Variants in ATAT1 observed in about 807,000 individuals in gnomAD.
The protein encoded by ATAT1 is alpha tubulin acetyltransferase 1.
A neutral mutation model predicts 57.2 loss-of-function variants in ATAT1; 42 were observed. The ratio of observed to expected loss-of-function variants is 0.73; its 90% CI spans 0.57 to 0.95. The LOEUF is 0.95. Ranked by LOEUF, ATAT1 falls within the 40% of genes least tolerant of loss-of-function variation. The probability of loss-of-function intolerance (pLI) is 0.00; values close to 1 mark genes in which losing one functional copy is unlikely to be tolerated. For missense variants in ATAT1, 454 were observed against 523.7 expected, an observed-to-expected ratio of 0.87 and a Z score of 1.30; for synonymous variants, 168 against 187.1, an observed-to-expected ratio of 0.90 and a Z score of 0.83.
rs1011375727 is a variant in ATAT1, at chr6:30,643,536, C to T, written c.932+525C>T. On this transcript the variant is annotated intron_variant, in intron 10 of 12. Transcript: ENST00000330083. ...CATAACATCCTTCCACAGCTCCCTT[C>T]CCCGCTCTGAGGAGAGTCGATACTA... is the stretch of plus-strand genomic sequence containing the variant. The T allele has an allele frequency of 8.4e-6, 13 of 1,550,712 alleles. No individual in the cohort carries two copies. In the African/African-American group the frequency reaches 1.6e-4, roughly 20 times the overall value.
intron 6 of ATAT1, among the ~76,000 whole-genome samples, chr6:30,637,913 T>C (rs1357918899): frequency 6.6e-6 from 1 of 151,898 alleles, no homozygotes; most frequent in African/African-American, 2.4e-5. Context: ...GAGGTGGAGG[T>C]TGCAGTGAGC....
At chr6:30,646,441 AC>A (rs1328708848) in intron 12 of ATAT1, 27 bp from the exon 13 acceptor site, 2 of 1,538,394 alleles carry the variant, frequency 1.3e-6, no homozygotes, top group African/African-American at 2.8e-5. Context: ...TATTCCTATA[AC>A]CCACTCTCCA....
At chr6:30,643,968 C>A in intron 10 of ATAT1, 4 of 1,045,368 alleles carry the variant, frequency 3.8e-6, no homozygotes, top group Non-Finnish European at 4.6e-6. Flanking sequence ...ATGGGATAAA[C>A]CCCATATTCC....
chr6:30,628,940 T>C (rs1466460815), intron 6 of ATAT1, among the ~76,000 whole-genome samples: 1 of 151,428 alleles, frequency 6.6e-6, no homozygotes, highest in African/African-American at 2.4e-5. Context: ...CTCCTGCTGT[T>C]GCCCAAGCTG....
rs535780509 is a variant in ATAT1 at position 30,640,684 on chromosome 6, G to A, written c.616+81G>A. ...GATGCCACGGGGTACAGTGCCATCT[G>A]TGGGCAATTTTGGAAAATTCTAAAG... is the stretch of plus-strand genomic sequence containing the variant. On this transcript the variant is annotated intron_variant, in intron 8 of 12. Transcript: ENST00000330083. 2.0e-6 allele frequency: 3 copies of A among 1,535,734 alleles called. No homozygotes were observed. In the Admixed American group the frequency reaches 5.3e-5, roughly 27 times the overall value.
chr6:30,629,968 C>T (rs1229442703), intron 6 of ATAT1, among the ~76,000 whole-genome samples: 1 of 152,160 alleles, frequency 6.6e-6, no homozygotes, highest in Middle Eastern at 3.2e-3. Flanking sequence ...CATTCCCTGT[C>T]CTCATGGAGC....
At chr6:30,644,289 T>G (rs945497408) in intron 10 of ATAT1, 53 of 985,766 alleles carry the variant, frequency 5.4e-5, no homozygotes, top group Non-Finnish European at 6.3e-5. Context: ...AGATCCAGAG[T>G]GTCAAGGATC....
chr6:30,642,329 G>A (rs1765627328), intron 9 of ATAT1, 82 bp downstream of exon 9: 11 of 1,581,182 alleles, frequency 7.0e-6, no homozygotes, highest in South Asian at 6.7e-5. Context: ...CCAGGGAAAG[G>A]ATTCGTTCTC....
At position 30,627,140 on chromosome 6, in the gene ATAT1, T is replaced by C; in HGVS notation, c.-64T>C. Reference sequence around the variant, plus strand: ...TGGTGACCTCTGACCCTGGGCCTAGTGGGATTGATCAGCGCTTGGATCTGT... The same window carrying C: ...TGGTGACCTCTGACCCTGGGCCTAGCGGGATTGATCAGCGCTTGGATCTGT... On this transcript the variant is annotated 5_prime_UTR_variant, in exon 1 of 13. Coordinates refer to ENST00000330083, the MANE Select transcript of ATAT1 (RefSeq NM_001031722.4). The C allele has an allele frequency of 1.9e-6, 3 of 1,607,420 alleles. No homozygotes were observed. The highest frequency in any genetic ancestry group is 2.5e-6 in the Non-Finnish European group (3 of 1,176,718).
chr6:30,633,654 C>G (rs905977342), intron 6 of ATAT1: 1 of 199,512 alleles, frequency 5.0e-6, no homozygotes, highest in Non-Finnish European at 1.2e-5. Context: ...GTTGTGGACA[C>G]AAGCTCCGTG....
chr6:30,643,001 C>A lies in ATAT1; in HGVS notation c.922C>A (p.Arg308Ser). ...CCCTGGGGGCAGCCCAGCTCAACGT[C>A]GTCGCACCAGGTAATAGGAGTTGAA... Residue 308 changes from arginine (R) to serine (S), a missense_variant, in exon 10 of 13, where the codon CGT becomes AGT. By Grantham distance (110) the Arg-to-Ser change is moderately radical. Transcript: ENST00000330083. The A allele has an allele frequency of 6.2e-7, 1 of 1,612,460 alleles. No homozygotes were observed.
intron 6 of ATAT1, among the ~76,000 whole-genome samples, chr6:30,638,357 A>G (rs1297359871): frequency 6.6e-6 from 1 of 151,892 alleles, no homozygotes; most frequent in Non-Finnish European, 1.5e-5. Flanking sequence ...CAGTGGTGCA[A>G]TCTCAGCTCA....
intron 10 of ATAT1, 30 bp from the exon 11 acceptor site, chr6:30,645,865 C>T: frequency 6.9e-7 from 1 of 1,443,704 alleles, no homozygotes; most frequent in Non-Finnish European, 9.2e-7. Context: ...CCAGTAGCCT[C>T]CTCCCCATCA....
intron 6 of ATAT1, among the ~76,000 whole-genome samples, chr6:30,637,843 G>A (rs1764480364): frequency 6.6e-6 from 1 of 152,066 alleles, no homozygotes; most frequent in Non-Finnish European, 1.5e-5. Context: ...GGGCATGGTG[G>A]CGCATGCCTG....
rs1766774824 is a variant in ATAT1, at chr6:30,646,556, A to G, written c.1143A>G (p.Pro381=). 3.8e-6 allele frequency: 6 copies of G among 1,586,438 alleles called. No individual in the cohort carries two copies. The highest frequency in any genetic ancestry group is 3.3e-4 in the Middle Eastern group (2 of 6,036). Residue 381 remains proline, a synonymous_variant, in exon 13 of 13, where the codon CCA becomes CCG. Transcript: ENST00000330083. ...CTCCTCCACAGGCCCCGGCCCCGCCAGCCCAGTCCTGGACAGTGGGTGGGG... is the reference window on the plus strand; with the variant it reads ...CTCCTCCACAGGCCCCGGCCCCGCCGGCCCAGTCCTGGACAGTGGGTGGGG...
At chr6:30,628,831 C>T (rs1187169437) in intron 6 of ATAT1, among the ~76,000 whole-genome samples, 1 of 151,892 alleles carries the variant, frequency 6.6e-6, no homozygotes, top group Non-Finnish European at 1.5e-5. Flanking sequence ...TCTCAAACTC[C>T]TGACCTTGTG....
Position 30,642,833 on chromosome 6 carries a change from G to GGGGGGGCGCCCCCCCC in ATAT1, c.754_755insGGGGGGCGCCCCCCCC (p.Ala252GlyfsTer53). Reference sequence around the variant, plus strand: ...GGCCCCTCGCCGCGCCACACCTCCAGCCCACCCACCCCCCCGCTCCAGCAG... The same window carrying GGGGGGGCGCCCCCCCC: ...GGCCCCTCGCCGCGCCACACCTCCAGGGGGGGCGCCCCCCCCCCCACCCACCCCCCCGCTCCAGCAG... On this transcript the variant is annotated frameshift_variant, in exon 10 of 13. Transcript: ENST00000330083. LOFTEE classifies it high-confidence loss of function. 4 of 1,537,874 alleles carry GGGGGGGCGCCCCCCCC rather than the reference G, an allele frequency of 2.6e-6. No individual in the cohort carries two copies. Among genetic ancestry groups the GGGGGGGCGCCCCCCCC allele is most frequent in the Non-Finnish European group, 3.5e-6 (4 of 1,145,780 alleles).
intron 10 of ATAT1, among the ~76,000 whole-genome samples, chr6:30,645,325 C>A (rs1766479179): frequency 6.6e-6 from 1 of 151,916 alleles, no homozygotes; most frequent in Non-Finnish European, 1.5e-5. Context: ...AAGCGATTCT[C>A]CTGCCTTAGC....
chr6:30,645,596 C>T (rs1766559871), intron 10 of ATAT1, among the ~76,000 whole-genome samples: 1 of 152,184 alleles, frequency 6.6e-6, no homozygotes, highest in Admixed American at 6.5e-5. Context: ...TTTTTGACCA[C>T]ATGTGAGTCT....
Sources: gnomAD v4.1 joint callset for allele counts (sites outside exome capture counted in the v4.1 genomes callset) on GRCh38, gnomAD v4.1.1 for gene constraint, MANE v1.5 for transcripts, NCBI Gene and HGNC (gene_info 2026-07-23, HGNC 2026-07-21) for gene names.